RBFOX1: variants seen among roughly 807,000 people sequenced by gnomAD.
The protein encoded by RBFOX1 is RNA binding fox-1 homolog 1, also known as RNA binding protein fox-1 homolog 1.
Under a neutral mutation model 57.7 loss-of-function variants are expected in RBFOX1, and 8 were observed. That is an observed-to-expected ratio of 0.14 (90% CI 0.08 to 0.25). The LOEUF (loss-of-function observed/expected upper bound fraction) is 0.25. Among genes scored for constraint, RBFOX1 ranks in the 10% least tolerant of loss-of-function variants. The pLI, the probability that RBFOX1 is intolerant of heterozygous loss-of-function variation, is 1.00. For synonymous variants in RBFOX1, 326 were observed against 222.4 expected (o/e 1.47, Z -4.15); for missense variants, 611 against 548.5 (o/e 1.11, Z -1.14).
chr16:6,006,407 C>G (rs1376591960), intron 4 of RBFOX1, among the ~76,000 whole-genome samples: 2 of 151,928 alleles, frequency 1.3e-5, no homozygotes, highest in Non-Finnish European at 2.9e-5. Context: ...TGTTCTCCTT[C>G]TGCTGGAGTT....
intron 3 of RBFOX1, among the ~76,000 whole-genome samples, chr16:6,994,983 G>T (rs1376560303): frequency 6.8e-6 from 1 of 147,110 alleles, no homozygotes; most frequent in Non-Finnish European, 1.5e-5. Flanking sequence ...GTTGGTCATT[G>T]TATTTAAAAA....
At chr16:6,074,904 C>A (rs1240517194) in intron 1 of RBFOX1, among the ~76,000 whole-genome samples, 3 of 151,860 alleles carry the variant, frequency 2.0e-5, no homozygotes, top group Non-Finnish European at 2.9e-5. Flanking sequence ...ACTTTGAGAC[C>A]AGCCTAGGCA....
chr16:5,869,867 C>G lies in RBFOX1; in HGVS notation c.351+2532C>G, dbSNP rs572120456. Among the ~76,000 whole-genome samples the G allele has an allele frequency of 8.5e-5, 13 of 152,190 alleles. No homozygotes were observed. In the South Asian group the frequency reaches 2.7e-3, roughly 32 times the overall value. On this transcript the variant is annotated intron_variant, in intron 4 of 19. Transcript: ENST00000641259. ...CTTATGTCCACCAAAACAACACATG[C>G]AAGAATTCCCATAAAGGATTTATTT...
intron 3 of RBFOX1, among the ~76,000 whole-genome samples, chr16:6,840,193 C>T (rs1159641373): frequency 6.6e-6 from 1 of 152,142 alleles, no homozygotes; most frequent in East Asian, 1.9e-4. Flanking sequence ...CACCATAAAT[C>T]ACTGGAAATT....
At chr16:5,690,645 A>G (rs189346006) in intron 3 of RBFOX1, among the ~76,000 whole-genome samples, 7 of 152,306 alleles carry the variant, frequency 4.6e-5, no homozygotes, top group South Asian at 2.1e-4. Context: ...TCTGAATTCC[A>G]AAATCTTAAC....
At chr16:6,250,707 G>A (rs1398162202) in intron 1 of RBFOX1, among the ~76,000 whole-genome samples, 1 of 152,164 alleles carries the variant, frequency 6.6e-6, no homozygotes, top group African/African-American at 2.4e-5. Context: ...GGAGTATGTT[G>A]CAGAGAGGAA....
intron 4 of RBFOX1, among the ~76,000 whole-genome samples, chr16:5,974,981 C>T (rs572756736): frequency 1.3e-5 from 2 of 152,088 alleles, no homozygotes; most frequent in African/African-American, 4.8e-5. Flanking sequence ...GCACTCCAGC[C>T]TGGGCAACAA....
At chr16:6,723,369 A>T (rs767962997) in intron 3 of RBFOX1, among the ~76,000 whole-genome samples, 1 of 151,774 alleles carries the variant, frequency 6.6e-6, no homozygotes, top group Non-Finnish European at 1.5e-5. Flanking sequence ...TATAGCATGC[A>T]ACTGTGGATT....
chr16:6,662,893 A>C (rs777060650), intron 3 of RBFOX1, among the ~76,000 whole-genome samples: 3 of 152,224 alleles, frequency 2.0e-5, no homozygotes, highest in Non-Finnish European at 2.9e-5. Flanking sequence ...ATAGACTCGT[A>C]AAACATTTAT....
At chr16:7,359,443 T>G (rs746339511) in intron 4 of RBFOX1, among the ~76,000 whole-genome samples, 11 of 152,228 alleles carry the variant, frequency 7.2e-5, no homozygotes, top group Non-Finnish European at 1.6e-4. Flanking sequence ...ATAATTTACC[T>G]TCATTAAATA....
chr16:6,201,411 A>G (rs927775083), intron 1 of RBFOX1, among the ~76,000 whole-genome samples: 1 of 152,164 alleles, frequency 6.6e-6, no homozygotes, highest in East Asian at 1.9e-4. Context: ...ACTAATTTGC[A>G]TTCTCAACAA....
At chr16:5,360,971 C>G (rs767476563) in intron 1 of RBFOX1, among the ~76,000 whole-genome samples, 2 of 152,114 alleles carry the variant, frequency 1.3e-5, no homozygotes, top group Non-Finnish European at 2.9e-5. Context: ...GTGTGTAACC[C>G]TGATTGATAA....
intron 14 of RBFOX1, among the ~76,000 whole-genome samples, chr16:7,705,586 A>G (rs1029936995): frequency 1.3e-5 from 2 of 152,222 alleles, no homozygotes; most frequent in Non-Finnish European, 2.9e-5. Context: ...AAAGAGGGAC[A>G]GAGGCAGCTT....
chr16:5,541,722 A>G (rs1368883212), intron 2 of RBFOX1, among the ~76,000 whole-genome samples: 2 of 152,124 alleles, frequency 1.3e-5, no homozygotes, highest in Non-Finnish European at 1.5e-5. Flanking sequence ...CTTTCACAGT[A>G]TCCTTACATC....
rs115242626 is a variant in RBFOX1 at position 6,901,086 on chromosome 16, C to A, written c.-15-150971C>A. On this transcript the variant is annotated intron_variant, in intron 3 of 15. Coordinates refer to ENST00000550418, the MANE Select transcript of RBFOX1 (RefSeq NM_018723.4). ...GGCCACTGGATACTTCTCAGTTGTG[C>A]CTCTCACCCTGTATTGTAAATTTCC... 8.2e-3 allele frequency among the ~76,000 whole-genome samples: 1,255 copies of A among 152,254 alleles called. 9 individuals carry two copies. Among genetic ancestry groups the A allele is most frequent in the African/African-American group, 0.028 (1,149 of 41,552 alleles).
intron 3 of RBFOX1, among the ~76,000 whole-genome samples, chr16:6,827,757 A>G (rs1481638644): frequency 1.3e-5 from 2 of 152,118 alleles, no homozygotes; most frequent in Non-Finnish European, 2.9e-5. Flanking sequence ...GGTCACCTCC[A>G]TCACTCTTAC....
intron 14 of RBFOX1, among the ~76,000 whole-genome samples, chr16:7,695,742 A>G (rs984676507): frequency 1.3e-5 from 2 of 151,534 alleles, no homozygotes; most frequent in South Asian, 2.1e-4. Flanking sequence ...TTATAAAAAC[A>G]TTTATTAGAG....
intron 1 of RBFOX1, among the ~76,000 whole-genome samples, chr16:5,401,840 C>A (rs754240335): frequency 6.6e-6 from 1 of 150,698 alleles, no homozygotes; most frequent in Non-Finnish European, 1.5e-5. Context: ...TCCTCATCAT[C>A]ATTTCTGTCT....
At chr16:7,709,884 C>G (rs1168086689) in intron 15 of RBFOX1, 4 of 1,097,012 alleles carry the variant, frequency 3.6e-6, no homozygotes, top group South Asian at 3.1e-5. Context: ...GCAATCATTA[C>G]AAAGCTTTGG....
Sources: allele counts gnomAD v4.1 joint callset (sites outside exome capture counted in the v4.1 genomes callset), GRCh38; gene constraint gnomAD v4.1.1; transcripts MANE v1.5; gene names NCBI Gene and HGNC (gene_info 2026-07-23, HGNC 2026-07-21).